TCTN3: variants seen among roughly 807,000 people sequenced by gnomAD.
The protein encoded by TCTN3 is tectonic family member 3.
In TCTN3, 57 loss-of-function variants were observed where a neutral mutation model predicts 71.3. That is an observed-to-expected ratio of 0.80 (90% CI 0.65 to 1.00). TCTN3 has a LOEUF of 1.00. TCTN3 is among the 50% of genes least tolerant of loss of function. The pLI is 0.00. For synonymous variants in TCTN3, 258 were observed against 267.8 expected, an observed-to-expected ratio of 0.96 and a Z score of 0.36; for missense variants, 696 against 719.9, an observed-to-expected ratio of 0.97 and a Z score of 0.38.
chr10:95,685,483 A>T (rs1281626607), intron 8 of TCTN3, 73 bp downstream of exon 8: 1 of 1,249,668 alleles, frequency 8.0e-7, no homozygotes, highest in Non-Finnish European at 1.1e-6. Context: ...TCTGATACTT[A>T]ATGGAAGATG....
intron 13 of TCTN3, among the ~76,000 whole-genome samples, chr10:95,665,228 C>T (rs1443297948): frequency 6.6e-6 from 1 of 152,156 alleles, no homozygotes; most frequent in Non-Finnish European, 1.5e-5. Context: ...CCTGCCTCAG[C>T]CTCCTGAGTA....
chr10:95,668,432 A>G (rs968864971), intron 13 of TCTN3, among the ~76,000 whole-genome samples: 7 of 152,170 alleles, frequency 4.6e-5, no homozygotes, highest in Non-Finnish European at 8.8e-5. Context: ...TTAAGAATAA[A>G]AAGATCTTAA....
In TCTN3 at chr10:95,677,474, G is replaced by GTTTTTTTTTTTTTTT. The variant is rs10654251; in HGVS notation, c.1590+2997_1590+2998insAAAAAAAAAAAAAAA. Reference sequence around the variant, plus strand: ...ATACAAGAAGATAGTGAAGTCTACAGTTTTTTTTGTTTTTTTTTTTTTTTT... The same window carrying GTTTTTTTTTTTTTTT: ...ATACAAGAAGATAGTGAAGTCTACAGTTTTTTTTTTTTTTTTTTTTTTTGTTTTTTTTTTTTTTTT... On this transcript the variant is annotated intron_variant, in intron 13 of 13. Coordinates refer to ENST00000371217, the MANE Select transcript of TCTN3 (RefSeq NM_015631.6). Among the ~76,000 whole-genome samples, 244 of 80,610 alleles carry GTTTTTTTTTTTTTTT rather than the reference G, an allele frequency of 3.0e-3. 41 individuals are homozygous for GTTTTTTTTTTTTTTT. The highest frequency in any genetic ancestry group is 5.2e-3 in the Non-Finnish European group (174 of 33,164). 52.9% of individuals were successfully genotyped at this position (80,610 alleles called of 152,430 possible). A position where few individuals can be genotyped will look rare whatever the true frequency, so the allele number is the denominator to read the frequency against.
chr10:95,671,836 T>C (rs1006639650), intron 13 of TCTN3, among the ~76,000 whole-genome samples: 1 of 152,220 alleles, frequency 6.6e-6, no homozygotes, highest in African/African-American at 2.4e-5. Context: ...TCTCAGGTGA[T>C]CCGCCCGCCT....
chr10:95,677,615 A>G (rs2097938826), intron 13 of TCTN3, among the ~76,000 whole-genome samples: 1 of 152,038 alleles, frequency 6.6e-6, no homozygotes, highest in African/African-American at 2.4e-5. Flanking sequence ...TATATTTACA[A>G]TGAAAAATCA....
At chr10:95,679,837 G>A (rs1345369076) in intron 13 of TCTN3, among the ~76,000 whole-genome samples, 2 of 151,892 alleles carry the variant, frequency 1.3e-5, no homozygotes, top group Non-Finnish European at 2.9e-5. Context: ...TGATCCGCCC[G>A]CCTCGGCCTC....
intron 13 of TCTN3, among the ~76,000 whole-genome samples, chr10:95,664,540 C>A (rs1456656210): frequency 6.6e-6 from 1 of 152,240 alleles, no homozygotes; most frequent in African/African-American, 2.4e-5. Flanking sequence ...CTGACTCTAG[C>A]TTCCCCTAGC....
chr10:95,688,397 G>GA (rs60722894), intron 3 of TCTN3, among the ~76,000 whole-genome samples: 59 of 104,562 alleles, frequency 5.6e-4, no homozygotes, highest in South Asian at 1.8e-3. Flanking sequence ...TCAAAAAAAA[G>GA]AAAAAAAAAA....
intron 7 of TCTN3, among the ~76,000 whole-genome samples, chr10:95,685,857 G>C (rs1424800232): frequency 6.6e-6 from 1 of 152,066 alleles, no homozygotes; most frequent in Non-Finnish European, 1.5e-5. Flanking sequence ...ATAAAACAAG[G>C]GTTCCATAGT....
chr10:95,688,965 T>C (rs2097951231), intron 3 of TCTN3, among the ~76,000 whole-genome samples: 1 of 152,188 alleles, frequency 6.6e-6, no homozygotes, highest in African/African-American at 2.4e-5. Context: ...ATATAAGTAA[T>C]GGTCATTTGT....
Position 95,687,099 on chromosome 10 carries a change from C to T in TCTN3, c.797G>A (p.Cys266Tyr). The T allele has an allele frequency of 1.9e-6, 3 of 1,614,212 alleles. No individual in the cohort carries two copies. The highest frequency in any genetic ancestry group is 1.1e-5 in the South Asian group (1 of 91,084). The part of the protein sequence containing the change: ...TRFFKNLASS[C>Y]TLDSALNAAS... ...AGCATTGAGGGCTGAATCCAAGGTA[C>T]AGCTACTAGCCAGGTTCTTGAAAAA... Residue 266 changes from cysteine (C) to tyrosine (Y), a missense_variant, in exon 6 of 14, where the codon TGT becomes TAT. Cys to Tyr is a radical substitution (Grantham distance 194). Coordinates refer to ENST00000371217, the MANE Select transcript of TCTN3 (RefSeq NM_015631.6).
intron 13 of TCTN3, among the ~76,000 whole-genome samples, chr10:95,679,737 G>T (rs1296388058): frequency 1.3e-5 from 2 of 150,228 alleles, no homozygotes; most frequent in South Asian, 4.2e-4. Context: ...GACTACAGGC[G>T]CCCGCCACTA....
rs572375441 is a variant in TCTN3, at chr10:95,664,996, A to G, written c.1591-696T>C. On this transcript the variant is annotated intron_variant, in intron 13 of 13. Transcript: ENST00000371217. ...TTAAACTTGAAGATTTTCTTCAATC[A>G]CCCTCCTTCACTCTGATGAACATAT... Among the ~76,000 whole-genome samples, 54 of 152,154 alleles carry G rather than the reference A, an allele frequency of 3.5e-4. 1 individual carries two copies. The East Asian group carries it at 9.8e-3, about 28-fold the overall frequency.
At chr10:95,691,096 G>A (rs1423594443) in intron 3 of TCTN3, among the ~76,000 whole-genome samples, 1 of 152,202 alleles carries the variant, frequency 6.6e-6, no homozygotes, top group East Asian at 1.9e-4. Context: ...CACCAGGTAG[G>A]TGCCATTGCA....
intron 13 of TCTN3, among the ~76,000 whole-genome samples, chr10:95,678,464 C>T (rs1443872606): frequency 2.9e-5 from 4 of 137,156 alleles, no homozygotes; most frequent in Admixed American, 7.8e-5. Flanking sequence ...ACCTGGGAGG[C>T]GAAGGTTGCA....
chr10:95,692,392 G>A (rs2097954321), intron 3 of TCTN3, among the ~76,000 whole-genome samples: 1 of 152,088 alleles, frequency 6.6e-6, no homozygotes, highest in East Asian at 1.9e-4. Context: ...CATAGTCCCA[G>A]CTACTCGGGA....
chr10:95,684,590 C>A lies in TCTN3; in HGVS notation c.1004G>T (p.Gly335Val). The part of the protein sequence containing the change: ...TYEIETNGTF[G>V]IQKVSVSLGQ... ...CAAACTGACAGAAACTTTCTGGATT[C>A]CAAAAGTCCCATTGGTCTCTATCTC... The change falls in exon 9 of 14, where the codon GGA becomes GTA. Residue 335 changes from glycine to valine, a missense_variant. Transcript: ENST00000371217. 1 of 1,613,988 alleles carries A rather than the reference C, an allele frequency of 6.2e-7. No individual in the cohort carries two copies. The highest frequency in any genetic ancestry group is 8.5e-7 in the Non-Finnish European group (1 of 1,179,914).
Position 95,682,786 on chromosome 10 carries a change from G to A in TCTN3, c.1317C>T (p.Cys439=), listed in dbSNP as rs34474203. The part of the protein sequence containing the change: ...GCKLRLKKAD[C]SHLQQEIYQT... ...GATAAATCTCCTGCTGCAAGTGGCT[G>A]CAGTCTGCCTTCTTCAACCTATAAT... The change falls in exon 12 of 14, where the codon TGC becomes TGT. Residue 439 remains cysteine (C), a synonymous_variant. Transcript: ENST00000371217. The A allele has an allele frequency of 6.5e-5, 105 of 1,613,922 alleles. No homozygotes were observed. In the African/African-American group the frequency reaches 1.1e-3, roughly 16 times the overall value.
intron 8 of TCTN3, 30 bp downstream of exon 8, chr10:95,685,517 AACACACATC>A: frequency 2.7e-6 from 4 of 1,490,504 alleles, no homozygotes; most frequent in Non-Finnish European, 9.2e-7. Context: ...AGTGTTGATT[AACACACATC>A]AGTCCAGAAT....
Sources: gnomAD v4.1 joint callset for allele counts (sites outside exome capture counted in the v4.1 genomes callset) on GRCh38, gnomAD v4.1.1 for gene constraint, MANE v1.5 for transcripts, NCBI Gene and HGNC (gene_info 2026-07-23, HGNC 2026-07-21) for gene names.